Variants in MAP2K5 observed in about 807,000 individuals in gnomAD.
MAP2K5 encodes dual specificity mitogen-activated protein kinase kinase 5.
MAP2K5 carries 49 observed loss-of-function variants against 83.1 expected under a neutral mutation model. The ratio of observed to expected loss-of-function variants is 0.59; its 90% CI spans 0.47 to 0.75. MAP2K5 has a LOEUF of 0.75. Among genes scored for constraint, MAP2K5 ranks in the 30% least tolerant of loss-of-function variants. The pLI, the probability that MAP2K5 is intolerant of heterozygous loss-of-function variation, is 0.00. For synonymous variants in MAP2K5, 202 were observed against 191.8 expected (o/e 1.05, Z -0.44); for missense variants, 457 against 557.5 (o/e 0.82, Z 1.82).
At chr15:67,765,594 T>G (rs764001708) in intron 19 of MAP2K5, among the ~76,000 whole-genome samples, 1 of 152,182 alleles carries the variant, frequency 6.6e-6, no homozygotes, top group African/African-American at 2.4e-5. Flanking sequence ...TTTTTCTCAT[T>G]GATGCTTTCT....
intron 11 of MAP2K5, among the ~76,000 whole-genome samples, chr15:67,657,069 T>C (rs1306587494): frequency 6.6e-6 from 1 of 152,262 alleles, no homozygotes; most frequent in African/African-American, 2.4e-5. Flanking sequence ...GATTTAGCCA[T>C]ATGGATAGTT....
intron 3 of MAP2K5, among the ~76,000 whole-genome samples, chr15:67,576,984 G>A (rs1158366938): frequency 1.4e-5 from 2 of 139,942 alleles, no homozygotes; most frequent in East Asian, 2.2e-4. Flanking sequence ...GCCGGACTGC[G>A]GACTGCAGTG....
chr15:67,799,278 C>T (rs2090660860), intron 21 of MAP2K5, among the ~76,000 whole-genome samples: 1 of 152,390 alleles, frequency 6.6e-6, no homozygotes, highest in African/African-American at 2.4e-5. Context: ...CAGGTATGCT[C>T]GCTATGTGGA....
At chr15:67,600,072 G>C (rs1447674744) in intron 7 of MAP2K5, among the ~76,000 whole-genome samples, 1 of 151,858 alleles carries the variant, frequency 6.6e-6, no homozygotes, top group Non-Finnish European at 1.5e-5. Context: ...TATAATATTC[G>C]ACTATATGTG....
chr15:67,603,212 C>A, intron 8 of MAP2K5, among the ~76,000 whole-genome samples: 1 of 152,326 alleles, frequency 6.6e-6, no homozygotes, highest in Admixed American at 6.5e-5. Context: ...CGAAACTCTG[C>A]ACCCATTAAA....
At chr15:67,568,071 G>T (rs918239796) in intron 3 of MAP2K5, among the ~76,000 whole-genome samples, 2 of 152,158 alleles carry the variant, frequency 1.3e-5, no homozygotes, top group Non-Finnish European at 2.9e-5. Context: ...AGAGGCTTGT[G>T]TGAGTAGAAC....
intron 3 of MAP2K5, among the ~76,000 whole-genome samples, chr15:67,575,023 A>G (rs902440206): frequency 2.0e-5 from 3 of 152,316 alleles, no homozygotes; most frequent in African/African-American, 7.2e-5. Context: ...CCCAGGCAGC[A>G]GAAGACAGGT....
intron 1 of MAP2K5, among the ~76,000 whole-genome samples, chr15:67,545,594 A>T (rs2084373631): frequency 6.6e-6 from 1 of 152,346 alleles, no homozygotes; most frequent in South Asian, 2.1e-4. Context: ...ATTTAAAACA[A>T]TGGAAGGTTG....
rs767909973 is a variant in MAP2K5 at position 67,555,806 on chromosome 15, C to T, written c.184+5724C>T. 2.6e-4 allele frequency among the ~76,000 whole-genome samples: 39 copies of T among 148,146 alleles called. No homozygotes were observed. Among genetic ancestry groups the T allele is most frequent in the Non-Finnish European group, 3.1e-4 (21 of 67,440 alleles). On this transcript the variant is annotated intron_variant, in intron 2 of 21. Transcript: ENST00000178640. The surrounding 1 kb of genome is among the most constrained non-coding windows in gnomAD (Gnocchi z 5.2). ...TTTAATTTCCTTTTTTTTTTTGAGACGCAGTCTCACTCTGTCGCCCAGGCT... is the reference window on the plus strand; with the variant it reads ...TTTAATTTCCTTTTTTTTTTTGAGATGCAGTCTCACTCTGTCGCCCAGGCT...
At chr15:67,576,611 T>C (rs570735505) in intron 3 of MAP2K5, among the ~76,000 whole-genome samples, 1 of 147,698 alleles carries the variant, frequency 6.8e-6, no homozygotes, top group Non-Finnish European at 1.5e-5. Flanking sequence ...ATTGATCTTT[T>C]ACCCAGTTAG....
chr15:67,566,544 T>C lies in MAP2K5; in HGVS notation c.252+3194T>C, dbSNP rs2084843434. ...CATCTTAGTATTTCTTTAAAAGCCATATGTGGGAAAGCAAAAATAGAGGCA... is the reference window on the plus strand; with the variant it reads ...CATCTTAGTATTTCTTTAAAAGCCACATGTGGGAAAGCAAAAATAGAGGCA... On this transcript the variant is annotated intron_variant, in intron 3 of 21. Coordinates refer to ENST00000178640, the MANE Select transcript of MAP2K5 (RefSeq NM_145160.3). 2.0e-5 allele frequency among the ~76,000 whole-genome samples: 3 copies of C among 152,202 alleles called. No individual in the cohort carries two copies. In the South Asian group the frequency reaches 6.2e-4, roughly 31 times the overall value.
chr15:67,594,763 T>TC (rs2085488658), intron 7 of MAP2K5, among the ~76,000 whole-genome samples: 1 of 152,170 alleles, frequency 6.6e-6, no homozygotes, highest in African/African-American at 2.4e-5. Context: ...GCTTTTTTTT[T>TC]CTTTATAAGG....
At chr15:67,735,672 G>A (rs1349823948) in intron 17 of MAP2K5, among the ~76,000 whole-genome samples, 1 of 152,212 alleles carries the variant, frequency 6.6e-6, no homozygotes, top group East Asian at 1.9e-4. Flanking sequence ...AACCAAGAGG[G>A]TTTCACAGAG....
intron 17 of MAP2K5, among the ~76,000 whole-genome samples, chr15:67,742,690 G>A (rs1008184180): frequency 2.0e-5 from 3 of 152,130 alleles, no homozygotes; most frequent in Non-Finnish European, 4.4e-5. Context: ...ATACCATCAG[G>A]AAAAAGATTT....
At position 67,779,527 on chromosome 15, in the gene MAP2K5, A is replaced by G. The variant is rs1001550394; in HGVS notation, c.1242+6775A>G. On this transcript the variant is annotated intron_variant, in intron 21 of 21. Transcript: ENST00000178640. The surrounding 1 kb of genome is among the most constrained non-coding windows in gnomAD (Gnocchi z 4.6). ...TGTGTGTGTATGTATATGTCTTTAT[A>G]TGCATGCGCATAGCAAGAGAGATAT... 2.0e-5 allele frequency among the ~76,000 whole-genome samples: 3 copies of G among 152,260 alleles called. No individual in the cohort carries two copies. The highest frequency in any genetic ancestry group is 6.5e-5 in the Admixed American group (1 of 15,282).
intron 13 of MAP2K5, among the ~76,000 whole-genome samples, chr15:67,691,697 C>T (rs1254826922): frequency 6.6e-6 from 1 of 152,134 alleles, no homozygotes; most frequent in African/African-American, 2.4e-5. Flanking sequence ...TTTGGGCTCC[C>T]TGAATTCCTG....
chr15:67,545,258 T>G (rs2084368447), intron 1 of MAP2K5, among the ~76,000 whole-genome samples: 1 of 152,232 alleles, frequency 6.6e-6, no homozygotes, highest in African/African-American at 2.4e-5. Flanking sequence ...TGATCATGAT[T>G]CTTTGTCTCC....
At chr15:67,713,001 C>G (rs1343862633) in intron 16 of MAP2K5, among the ~76,000 whole-genome samples, 1 of 151,390 alleles carries the variant, frequency 6.6e-6, no homozygotes, top group African/African-American at 2.4e-5. Context: ...AATAGAAGTT[C>G]CAGGAAGAAA....
intron 12 of MAP2K5, among the ~76,000 whole-genome samples, chr15:67,664,047 G>A (rs2087306821): frequency 1.3e-5 from 2 of 152,054 alleles, no homozygotes; most frequent in Admixed American, 1.3e-4. Context: ...ATATACACAT[G>A]CACTTATTTC....
Sources: allele counts gnomAD v4.1 joint callset (sites outside exome capture counted in the v4.1 genomes callset), GRCh38; gene constraint gnomAD v4.1.1; non-coding constraint Gnocchi (gnomAD v3.1); transcripts MANE v1.5; gene names NCBI Gene and HGNC (gene_info 2026-07-23, HGNC 2026-07-21).